TBC1D32: variants seen among roughly 807,000 people sequenced by gnomAD.
The protein encoded by TBC1D32 is protein broad-minded.
Under a neutral mutation model 170.3 loss-of-function variants are expected in TBC1D32, and 151 were observed. That is an observed-to-expected ratio of 0.89 (90% confidence interval 0.78 to 1.01). The LOEUF (loss-of-function observed/expected upper bound fraction) is 1.01, where lower values mean the gene tolerates loss of function less well. Among genes scored for constraint, TBC1D32 ranks in the 50% least tolerant of loss-of-function variants. The pLI is 0.00. For synonymous variants in TBC1D32, 498 were observed against 488.0 expected, an observed-to-expected ratio of 1.02 and a Z score of -0.27; for missense variants, 1,464 against 1,457.1, an observed-to-expected ratio of 1.00 and a Z score of -0.08.
intron 20 of TBC1D32, among the ~76,000 whole-genome samples, chr6:121,228,936 G>A (rs1345754489): frequency 2.6e-5 from 4 of 151,952 alleles, no homozygotes; most frequent in Non-Finnish European, 5.9e-5. Context: ...ACTGATTTAT[G>A]ATTATGTCTT....
At chr6:121,297,551 C>T (rs1285342935) in intron 10 of TBC1D32, among the ~76,000 whole-genome samples, 2 of 152,020 alleles carry the variant, frequency 1.3e-5, no homozygotes, top group Non-Finnish European at 2.9e-5. Flanking sequence ...TTTAGGCCGA[C>T]AGCCAAAACT....
In TBC1D32 at chr6:121,256,269, T is replaced by C. The variant is rs752077627; in HGVS notation, c.1750A>G (p.Ile584Val). 3 of 1,612,866 alleles carry C rather than the reference T, an allele frequency of 1.9e-6. No homozygotes were observed. Among genetic ancestry groups the C allele is most frequent in the Non-Finnish European group, 2.5e-6 (3 of 1,179,400 alleles). Residue 584 changes from isoleucine to valine, a missense_variant, in exon 16 of 32, where the codon ATA becomes GTA. By Grantham distance (29) the Ile-to-Val change is conservative. Transcript: ENST00000398212. ...AGTTTTTTCGAAAACTGGGCAATTA[T>C]ATGAGCACCTGTAGGACTAAAAGAT... ...SSEESPTGAH[I>V]IAQFSKKLLD... is the part of the protein sequence containing the mutation.
chr6:121,132,052 T>C (rs918638067), intron 24 of TBC1D32, among the ~76,000 whole-genome samples: 1 of 151,996 alleles, frequency 6.6e-6, no homozygotes, highest in Non-Finnish European at 1.5e-5. Flanking sequence ...GTATCTGTTT[T>C]AATAGACAGC....
chr6:121,176,908 T>C (rs1232172368), intron 22 of TBC1D32, among the ~76,000 whole-genome samples: 1 of 152,106 alleles, frequency 6.6e-6, no homozygotes, highest in Non-Finnish European at 1.5e-5. Flanking sequence ...GCCCAAGGTA[T>C]AGTAACCTTT....
At chr6:121,303,104 T>C (rs908258720) in intron 9 of TBC1D32, among the ~76,000 whole-genome samples, 6 of 152,176 alleles carry the variant, frequency 3.9e-5, no homozygotes, top group African/African-American at 1.4e-4. Flanking sequence ...TAAAGATCTC[T>C]CTACTCTTAC....
intron 24 of TBC1D32, among the ~76,000 whole-genome samples, chr6:121,145,969 G>A (rs1783379895): frequency 6.6e-6 from 1 of 152,152 alleles, no homozygotes; most frequent in African/African-American, 2.4e-5. Flanking sequence ...AGATAGGTGT[G>A]GAGGCTCTAG....
chr6:121,096,179 G>A (rs1424744837), intron 30 of TBC1D32: 1 of 152,034 alleles, frequency 6.6e-6, no homozygotes, highest in African/African-American at 2.4e-5. Context: ...ATGTGTCCAG[G>A]AATTTATCCA....
At chr6:121,308,420 G>A (rs1320543779) in intron 4 of TBC1D32, among the ~76,000 whole-genome samples, 1 of 151,930 alleles carries the variant, frequency 6.6e-6, no homozygotes, top group Non-Finnish European at 1.5e-5. Flanking sequence ...ACATTTTCCA[G>A]TAGCCTTGTC....
At chr6:121,265,905 C>A (rs1003603862) in intron 15 of TBC1D32, among the ~76,000 whole-genome samples, 3 of 152,092 alleles carry the variant, frequency 2.0e-5, no homozygotes, top group Admixed American at 6.6e-5. Flanking sequence ...CTTCCTTACA[C>A]CTTATATAAA....
chr6:121,221,386 T>G (rs1464592277), intron 21 of TBC1D32, among the ~76,000 whole-genome samples: 1 of 152,216 alleles, frequency 6.6e-6, no homozygotes, highest in Non-Finnish European at 1.5e-5. Context: ...TAACATCCAT[T>G]CTGTAGCCCA....
At chr6:121,275,265 T>A (rs1368623674) in intron 15 of TBC1D32, among the ~76,000 whole-genome samples, 4 of 152,212 alleles carry the variant, frequency 2.6e-5, no homozygotes, top group Non-Finnish European at 5.9e-5. Context: ...CATTACTTGA[T>A]AATATAAACA....
At chr6:121,234,021 G>A (rs1381095035) in intron 20 of TBC1D32, among the ~76,000 whole-genome samples, 1 of 152,142 alleles carries the variant, frequency 6.6e-6, no homozygotes, top group Non-Finnish European at 1.5e-5. Flanking sequence ...TTTGTTTAAT[G>A]AGGCTAAAAA....
chr6:121,246,725 G>C (rs1343714532), intron 17 of TBC1D32, among the ~76,000 whole-genome samples: 1 of 151,364 alleles, frequency 6.6e-6, no homozygotes, highest in East Asian at 2.0e-4. Flanking sequence ...GACACACTGG[G>C]ACATAAAAAA....
At chr6:121,281,468 T>G (rs1357458061) in intron 14 of TBC1D32, 76 bp downstream of exon 14, 1 of 1,175,952 alleles carries the variant, frequency 8.5e-7, no homozygotes, top group Admixed American at 2.6e-5. Flanking sequence ...ATTTCAAATT[T>G]AGAAATAAAG....
Position 121,197,846 on chromosome 6 carries a change from C to T in TBC1D32, c.2570+7229G>A, listed in dbSNP as rs888914884. 1.2e-4 allele frequency among the ~76,000 whole-genome samples: 19 copies of T among 152,206 alleles called. 1 individual carries two copies. The South Asian group carries it at 3.1e-3, about 25-fold the overall frequency. On this transcript the variant is annotated intron_variant, in intron 22 of 31. Transcript: ENST00000398212. The stretch of plus-strand genomic sequence containing the variant: ...GATCCCGGGTATGCCTGTGAGGGTG[C>T]TGCCAATGAAGATTAACATTTGAGT...
intron 9 of TBC1D32, among the ~76,000 whole-genome samples, chr6:121,301,946 A>G (rs1806549699): frequency 6.6e-6 from 1 of 152,118 alleles, no homozygotes; most frequent in Non-Finnish European, 1.5e-5. Context: ...ACAATTTTTA[A>G]TTAAACATTC....
intron 3 of TBC1D32, among the ~76,000 whole-genome samples, chr6:121,311,215 C>T (rs748524661): frequency 7.2e-5 from 11 of 152,162 alleles, no homozygotes; most frequent in Non-Finnish European, 1.0e-4. Context: ...ACCCTAGGCA[C>T]AGCTACAGTG....
chr6:121,108,534 T>C (rs78788332), intron 29 of TBC1D32, among the ~76,000 whole-genome samples: 2,661 of 152,050 alleles, frequency 0.018, 79 homozygotes, highest in African/African-American at 0.061. Context: ...TGCAAAAAAA[T>C]TGTCAATAAA....
chr6:121,135,388 T>C (rs1274749126), intron 24 of TBC1D32, among the ~76,000 whole-genome samples: 1 of 152,154 alleles, frequency 6.6e-6, no homozygotes, highest in Non-Finnish European at 1.5e-5. Context: ...AGACTTGCCT[T>C]CTGCTGTAAA....
Sources: allele counts gnomAD v4.1 joint callset (sites outside exome capture counted in the v4.1 genomes callset), GRCh38; gene constraint gnomAD v4.1.1; transcripts MANE v1.5; gene names NCBI Gene and HGNC (gene_info 2026-07-23, HGNC 2026-07-21).